The following MED13L variants were observed in gnomAD, a reference collection of about 807,000 sequenced individuals.
MED13L encodes the protein mediator complex subunit 13L.
Under a neutral mutation model 220.9 loss-of-function variants are expected in MED13L, and 7 were observed. The observed-to-expected ratio is 0.03, with a 90% confidence interval of 0.02 to 0.06. MED13L has a LOEUF of 0.06. MED13L is among the 10% of genes least tolerant of loss of function. The pLI is 1.00. For missense variants in MED13L, 1,965 were observed against 2,760.5 expected, an observed-to-expected ratio of 0.71 and a Z score of 6.46; for synonymous variants, 1,011 against 1,015.2, an observed-to-expected ratio of 1.00 and a Z score of 0.08.
intron 2 of MED13L, among the ~76,000 whole-genome samples, chr12:116,156,243 T>C (rs1878418380): frequency 2.0e-5 from 3 of 151,964 alleles, no homozygotes; most frequent in Non-Finnish European, 4.4e-5. Flanking sequence ...ATATGATGAA[T>C]GTCTCCAGCA....
chr12:116,193,874 C>T (rs1196454232), intron 2 of MED13L, among the ~76,000 whole-genome samples: 1 of 152,118 alleles, frequency 6.6e-6, no homozygotes, highest in Non-Finnish European at 1.5e-5. Context: ...TAAGAAATAC[C>T]TTTATGAATG....
intron 4 of MED13L, among the ~76,000 whole-genome samples, chr12:116,045,594 C>A (rs1009862607): frequency 2.0e-5 from 3 of 152,142 alleles, no homozygotes; most frequent in Non-Finnish European, 2.9e-5. Flanking sequence ...CACAGCGTAT[C>A]TGGTAATAGT....
At chr12:116,054,912 C>A (rs916227950) in intron 4 of MED13L, among the ~76,000 whole-genome samples, 5 of 152,016 alleles carry the variant, frequency 3.3e-5, no homozygotes, top group African/African-American at 1.2e-4. Context: ...TTCATAATAG[C>A]CCCAAAGTAA....
intron 22 of MED13L, among the ~76,000 whole-genome samples, chr12:115,981,167 A>G (rs116217509): frequency 1.7e-4 from 26 of 152,308 alleles, no homozygotes; most frequent in African/African-American, 6.3e-4. Context: ...ATGTACGATT[A>G]TGTTGGTCAA....
At chr12:115,963,910 T>G (rs907355695) in intron 29 of MED13L, among the ~76,000 whole-genome samples, 1 of 152,038 alleles carries the variant, frequency 6.6e-6, no homozygotes, top group Non-Finnish European at 1.5e-5. Context: ...ACACAAATAT[T>G]ACCATCTCTA....
At chr12:116,027,155 G>A (rs1198229473) in intron 4 of MED13L, among the ~76,000 whole-genome samples, 2 of 152,164 alleles carry the variant, frequency 1.3e-5, no homozygotes, top group African/African-American at 2.4e-5. Flanking sequence ...GGGCAAGGTG[G>A]CTCACGCCTG....
At chr12:116,006,080 G>A in intron 12 of MED13L, 87 bp from the exon 13 acceptor site, 2 of 1,552,170 alleles carry the variant, frequency 1.3e-6, no homozygotes, top group Non-Finnish European at 1.8e-6. Flanking sequence ...CAATGAACAT[G>A]ACCTGCCTGT....
intron 23 of MED13L, among the ~76,000 whole-genome samples, chr12:115,976,135 C>T (rs1377108346): frequency 2.0e-5 from 3 of 152,144 alleles, no homozygotes; most frequent in Non-Finnish European, 2.9e-5. Context: ...TTATACATTG[C>T]TGCTTAAGCT....
chr12:116,081,348 G>C (rs1379395964), intron 4 of MED13L, among the ~76,000 whole-genome samples: 1 of 152,136 alleles, frequency 6.6e-6, no homozygotes, highest in Non-Finnish European at 1.5e-5. Flanking sequence ...TTTGTAAACT[G>C]TACTTTAGGA....
At chr12:116,064,467 T>C (rs1438474401) in intron 4 of MED13L, among the ~76,000 whole-genome samples, 1 of 152,188 alleles carries the variant, frequency 6.6e-6, no homozygotes, top group South Asian at 2.1e-4. Context: ...TTATTTCTTA[T>C]GAAAAGAGGT....
At chr12:116,128,295 A>G (rs1034286860) in intron 2 of MED13L, among the ~76,000 whole-genome samples, 5 of 152,148 alleles carry the variant, frequency 3.3e-5, no homozygotes, top group African/African-American at 1.2e-4. Flanking sequence ...GCAACCTAAT[A>G]TGATTCTAAG....
chr12:116,008,219 CAT>C (rs1879171596), intron 10 of MED13L, 180 bp downstream of exon 10: 2 of 767,490 alleles, frequency 2.6e-6, no homozygotes, highest in East Asian at 2.7e-5. Context: ...TGTCAAATGA[CAT>C]GTGTGCTAAC....
chr12:116,248,192 T>G (rs11067953), intron 1 of MED13L, among the ~76,000 whole-genome samples: 214 of 152,338 alleles, frequency 1.4e-3, no homozygotes, highest in African/African-American at 5.0e-3. Context: ...CACAGCTGAA[T>G]GAACTTAATA....
intron 3 of MED13L, among the ~76,000 whole-genome samples, chr12:116,100,467 G>A (rs1453738779): frequency 6.6e-6 from 1 of 151,832 alleles, no homozygotes; most frequent in Non-Finnish European, 1.5e-5. Flanking sequence ...GGGTGTTGTG[G>A]TGGGCACCTG....
At chr12:116,234,635 C>G (rs1196557884) in intron 2 of MED13L, among the ~76,000 whole-genome samples, 3 of 151,944 alleles carry the variant, frequency 2.0e-5, no homozygotes, top group African/African-American at 4.8e-5. Context: ...ACATTAAAGC[C>G]TGCTAAAAGG....
chr12:116,273,169 T>C (rs916298283), intron 1 of MED13L, among the ~76,000 whole-genome samples: 53 of 152,114 alleles, frequency 3.5e-4, no homozygotes, highest in African/African-American at 1.1e-3. Flanking sequence ...CCGGGCGTGG[T>C]GGCACATGCC....
intron 4 of MED13L, among the ~76,000 whole-genome samples, chr12:116,034,776 T>C (rs1188276306): frequency 6.6e-6 from 1 of 151,952 alleles, no homozygotes; most frequent in Non-Finnish European, 1.5e-5. Context: ...GAGGCCAAGG[T>C]GGGTAGATCA....
At chr12:116,120,448 C>CTT (rs1489959999) in intron 2 of MED13L, among the ~76,000 whole-genome samples, 2 of 97,448 alleles carry the variant, frequency 2.1e-5, no homozygotes, top group Admixed American at 2.3e-4. Flanking sequence ...CTTTCTCTCT[C>CTT]TCTCTCTCTC....
At chr12:116,019,630 TAAC>T in intron 6 of MED13L, 145 bp downstream of exon 6, 1 of 1,116,260 alleles carries the variant, frequency 9.0e-7, no homozygotes, top group Non-Finnish European at 1.3e-6. Context: ...TCAGGCAAGA[TAAC>T]TACTCAGTAC....
Sources: gnomAD v4.1 joint callset for allele counts (sites outside exome capture counted in the v4.1 genomes callset) on GRCh38, gnomAD v4.1.1 for gene constraint, MANE v1.5 for transcripts, NCBI Gene and HGNC (gene_info 2026-07-23, HGNC 2026-07-21) for gene names.